TLDC2: variants seen among roughly 807,000 people sequenced by gnomAD.
TLDC2 encodes the protein TBC/LysM-associated domain containing 2.
TLDC2 carries 23 observed loss-of-function variants against 27.9 expected under a neutral mutation model. That is an observed-to-expected ratio of 0.82 (90% confidence interval 0.59 to 1.17). The LOEUF (loss-of-function observed/expected upper bound fraction) is 1.17. Among genes scored for constraint, TLDC2 ranks in the 50% most tolerant of loss-of-function variants. TLDC2 has a pLI of 0.00. For synonymous variants in TLDC2, 124 were observed against 107.4 expected (o/e 1.16, Z -0.96); for missense variants, 286 against 273.4 (o/e 1.05, Z -0.32).
chr20:36,882,359 G>A (rs1271667404), intron 4 of TLDC2, among the ~76,000 whole-genome samples: 1 of 152,030 alleles, frequency 6.6e-6, no homozygotes, highest in Non-Finnish European at 1.5e-5. Context: ...CCTGGCAACA[G>A]AGCAAGATGC....
intron 4 of TLDC2, among the ~76,000 whole-genome samples, chr20:36,882,131 G>A (rs1269955182): frequency 2.6e-5 from 4 of 152,148 alleles, no homozygotes; most frequent in Non-Finnish European, 5.9e-5. Context: ...CAGGAGCTGG[G>A]TGAGAATAAT....
In TLDC2 at chr20:36,876,164, G is replaced by C. The variant is rs367704676; in HGVS notation, c.-11G>C. 3.5e-5 allele frequency: 57 copies of C among 1,614,034 alleles called. No homozygotes were observed. Among genetic ancestry groups the C allele is most frequent in the Non-Finnish European group, 4.7e-5 (56 of 1,180,008 alleles). The stretch of plus-strand genomic sequence containing the variant: ...CTCACTGCCCACGGCCGGCTGAGCA[G>C]GGACAGGAGAATGAGAGGCCTCCGC... On this transcript the variant is annotated 5_prime_UTR_variant, in exon 1 of 7. Coordinates refer to ENST00000217320, the MANE Select transcript of TLDC2 (RefSeq NM_080628.3).
chr20:36,880,070 C>CATATATATATATAT (rs1186641126), intron 3 of TLDC2, among the ~76,000 whole-genome samples: 14 of 73,062 alleles, frequency 1.9e-4, no homozygotes, highest in African/African-American at 4.2e-4. Flanking sequence ...TATATATATA[C>CATATATATATATAT]ATATATATAT....
chr20:36,877,032 G>A (rs1165432352), intron 1 of TLDC2, among the ~76,000 whole-genome samples: 3 of 152,064 alleles, frequency 2.0e-5, no homozygotes, highest in Non-Finnish European at 2.9e-5. Flanking sequence ...ATCATTTCAC[G>A]GGCTTCATGG....
upstream of TLDC2, chr20:36,876,127 G>A: frequency 1.2e-6 from 2 of 1,613,476 alleles, no homozygotes; most frequent in Non-Finnish European, 1.7e-6. Context: ...CCTGGGCAGG[G>A]CTGAGGATTC....
chr20:36,893,762 G>A lies in TLDC2; in HGVS notation c.*918G>A. On this transcript the variant is annotated 3_prime_UTR_variant, in exon 7 of 7. Transcript: ENST00000217320. ...TCTGTTGTACCAGGAATACAATGCTGGTGGGAGGATTCGTGCTCCTCATCT... is the reference window on the plus strand; with the variant it reads ...TCTGTTGTACCAGGAATACAATGCTAGTGGGAGGATTCGTGCTCCTCATCT... 2.5e-6 allele frequency: 1 copy of A among 396,410 alleles called. No individual in the cohort carries two copies. The allele number at this position is 396,410 out of a possible 1,614,324, so 24.6% of individuals were successfully genotyped here.
intron 4 of TLDC2, among the ~76,000 whole-genome samples, chr20:36,884,487 T>C (rs1989878010): frequency 6.6e-6 from 1 of 151,970 alleles, no homozygotes; most frequent in Non-Finnish European, 1.5e-5. Flanking sequence ...CCAAGTGTGG[T>C]GGCTCACGTC....
At position 36,893,002 on chromosome 20, in the gene TLDC2, A is replaced by G; in HGVS notation, c.*158A>G. The G allele has an allele frequency of 6.2e-7, 1 of 1,614,066 alleles. No individual in the cohort carries two copies. The highest frequency in any genetic ancestry group is 8.5e-7 in the Non-Finnish European group (1 of 1,180,020). The stretch of plus-strand genomic sequence containing the variant: ...TTCTCGGAGGCGAGTTGGATTTTGG[A>G]CTGAAGTACTGTCGTTCCATTCCTT... On this transcript the variant is annotated 3_prime_UTR_variant, in exon 7 of 7. Transcript: ENST00000217320.
At position 36,881,305 on chromosome 20, in the gene TLDC2, G is replaced by A. The variant is rs932152208; in HGVS notation, c.438+555G>A. On this transcript the variant is annotated intron_variant, in intron 4 of 6. Coordinates refer to ENST00000217320, the MANE Select transcript of TLDC2 (RefSeq NM_080628.3). ...TGATACGGGAGGATCGTTTAAGCCC[G>A]GGAGGTTGAGGCTGTGGTGAGCCAT... 9.9e-5 allele frequency among the ~76,000 whole-genome samples: 15 copies of A among 152,144 alleles called. No homozygotes were observed. In the South Asian group the frequency reaches 2.7e-3, roughly 27 times the overall value.
At chr20:36,888,213 C>A (rs528880124) in intron 5 of TLDC2, among the ~76,000 whole-genome samples, 5 of 152,034 alleles carry the variant, frequency 3.3e-5, no homozygotes, top group African/African-American at 1.2e-4. Flanking sequence ...CTGAGATGTA[C>A]TAGCTTTGGT....
At chr20:36,880,398 G>A (rs1989787549) in intron 3 of TLDC2, among the ~76,000 whole-genome samples, 1 of 151,968 alleles carries the variant, frequency 6.6e-6, no homozygotes, top group Admixed American at 6.6e-5. Context: ...GCTCGGCCCA[G>A]AATAAGTATA....
rs1601104258 is a variant in TLDC2, at chr20:36,889,410, A to G, written c.*17+7A>G. The G allele has an allele frequency of 1.2e-6, 2 of 1,610,692 alleles. No homozygotes were observed. Among genetic ancestry groups the G allele is most frequent in the Non-Finnish European group, 1.7e-6 (2 of 1,178,954 alleles). ...GACAGCCCTGCGGCAACAGGTACTC[A>G]GCCCTGCTCATGATGCCACCCAGGC... On this transcript the variant is annotated splice_region_variant and intron_variant, in intron 6 of 6. Transcript: ENST00000217320.
intron 3 of TLDC2, among the ~76,000 whole-genome samples, chr20:36,880,075 A>ATATATGTATATATATATATGTGTGTG (rs1568748412): frequency 2.0e-4 from 8 of 39,988 alleles, no homozygotes; most frequent in Non-Finnish European, 2.9e-4. Context: ...ATATACATAT[A>ATATATGTATATATATATATGTGTGTG]TATATATATA....
Position 36,889,337 on chromosome 20 carries a change from G to T in TLDC2, c.599G>T (p.Arg200Leu), listed in dbSNP as rs551199305. ...ACCTTCAACAACGAGGTGCTGGCCCGGCAGGAGCAGTTCTGCATCCAGGAG... is the reference window on the plus strand; with the variant it reads ...ACCTTCAACAACGAGGTGCTGGCCCTGCAGGAGCAGTTCTGCATCCAGGAG... ...CPTFNNEVLA[R>L]QEQFCIQELE... The change falls in exon 6 of 7, where the codon CGG becomes CTG. Residue 200 changes from arginine to leucine, a missense_variant. Physicochemically the swap from Arg to Leu is moderately radical, Grantham distance 102 (BLOSUM62 -2). Coordinates refer to ENST00000217320, the MANE Select transcript of TLDC2 (RefSeq NM_080628.3). 3 of 1,614,158 alleles carry T rather than the reference G, an allele frequency of 1.9e-6. No individual in the cohort carries two copies. The highest frequency in any genetic ancestry group is 2.5e-6 in the Non-Finnish European group (3 of 1,180,022).
Position 36,893,676 on chromosome 20 carries a change from T to C in TLDC2, c.*832T>C, listed in dbSNP as rs1379820262. 2 of 387,460 alleles carry C rather than the reference T, an allele frequency of 5.2e-6. No individual in the cohort carries two copies. The highest frequency in any genetic ancestry group is 3.7e-5 in the East Asian group (1 of 26,894). 24.0% of individuals were successfully genotyped at this position (387,460 alleles called of 1,614,324 possible). ...CCTAATACTTGACTCTATGCTAAACTGTTCTGAACTTGTGGGTAGATCTTC... is the reference window on the plus strand; with the variant it reads ...CCTAATACTTGACTCTATGCTAAACCGTTCTGAACTTGTGGGTAGATCTTC... On this transcript the variant is annotated 3_prime_UTR_variant, in exon 7 of 7. Coordinates refer to ENST00000217320, the MANE Select transcript of TLDC2 (RefSeq NM_080628.3).
At chr20:36,880,910 C>T (rs1169195935) in intron 4 of TLDC2, among the ~76,000 whole-genome samples, 160 bp downstream of exon 4, 1 of 152,238 alleles carries the variant, frequency 6.6e-6, no homozygotes, top group Non-Finnish European at 1.5e-5. Context: ...AGAGCATCCC[C>T]CTTGACCTGC....
chr20:36,890,038 C>T (rs1990022635), intron 6 of TLDC2: 1 of 152,176 alleles, frequency 6.6e-6, no homozygotes, highest in Admixed American at 6.5e-5. Flanking sequence ...CTAATAAATA[C>T]TGTAGCAGCG....
chr20:36,883,677 T>C (rs1178218965), intron 4 of TLDC2, among the ~76,000 whole-genome samples: 6 of 152,202 alleles, frequency 3.9e-5, no homozygotes, highest in African/African-American at 1.4e-4. Context: ...ACCAGTGCCA[T>C]GTCCTTTACT....
At chr20:36,892,312 A>G (rs1390135763) in intron 6 of TLDC2, 3 of 159,076 alleles carry the variant, frequency 1.9e-5, no homozygotes, top group Non-Finnish European at 2.8e-5. Flanking sequence ...GGTGTCTTTC[A>G]CTTATGCTTA....
Sources: gnomAD v4.1 joint callset for allele counts (sites outside exome capture counted in the v4.1 genomes callset) on GRCh38, gnomAD v4.1.1 for gene constraint, MANE v1.5 for transcripts, NCBI Gene and HGNC (gene_info 2026-07-23, HGNC 2026-07-21) for gene names.